TF: variants seen among roughly 807,000 people sequenced by gnomAD.
TF encodes serotransferrin.
TF carries 55 observed loss-of-function variants against 82.4 expected under a neutral mutation model. The observed-to-expected ratio is 0.67, with a 90% confidence interval of 0.54 to 0.84. The LOEUF is 0.84. TF is among the 40% of genes least tolerant of loss of function. TF has a pLI of 0.00. For synonymous variants in TF, 332 were observed against 332.6 expected, an observed-to-expected ratio of 1.00 and a Z score of 0.02; for missense variants, 737 against 868.4, an observed-to-expected ratio of 0.85 and a Z score of 1.90.
Position 133,789,862 on chromosome 3 carries a change from A to C in TF, c.*11242A>C, listed in dbSNP as rs1266977385. On this transcript the variant is annotated 3_prime_UTR_variant, in exon 17 of 17. Transcript: ENST00000402696. Reference sequence around the variant, plus strand: ...ATAAAACTATAAACCCAGCCAAAACAAAACGATCTCGTTTGCGTTTTTTTT... The same window carrying C: ...ATAAAACTATAAACCCAGCCAAAACCAAACGATCTCGTTTGCGTTTTTTTT... 1.3e-5 allele frequency: 2 copies of C among 148,844 alleles called. No individual in the cohort carries two copies. The highest frequency in any genetic ancestry group is 3.0e-5 in the Non-Finnish European group (2 of 67,568). 9.2% of individuals were successfully genotyped at this position (148,844 alleles called of 1,614,324 possible).
intron 7 of TF, 37 bp from the exon 8 acceptor site, chr3:133,757,732 T>A (rs1933875136): frequency 6.3e-7 from 1 of 1,583,996 alleles, no homozygotes; most frequent in African/African-American, 1.3e-5. Flanking sequence ...TCCTTTCTTC[T>A]GTGTTGCCAT....
chr3:133,681,116 G>T, the TF span, among the ~76,000 whole-genome samples: 1 of 152,162 alleles, frequency 6.6e-6, no homozygotes, highest in Non-Finnish European at 1.5e-5. Context: ...ACTAATTATT[G>T]CAGCTTCCAA....
At chr3:133,707,851 C>A in the TF span, among the ~76,000 whole-genome samples, 3 of 152,236 alleles carry the variant, frequency 2.0e-5, no homozygotes, top group African/African-American at 7.2e-5. Context: ...TCATTAGAAT[C>A]AGGAGCAAGG....
chr3:133,726,652 T>A, the TF span, among the ~76,000 whole-genome samples: 1 of 151,588 alleles, frequency 6.6e-6, no homozygotes, highest in African/African-American at 2.4e-5. Flanking sequence ...TGTGTCTCTA[T>A]TTCCTTCAGT....
the TF span, chr3:133,701,198 T>C: frequency 2.1e-4 from 32 of 152,344 alleles, 1 homozygote; most frequent in Admixed American, 2.0e-3. Flanking sequence ...TGCATTGGGT[T>C]AATGAGGGGG....
At chr3:133,765,291 A>G (rs1263968921) in intron 11 of TF, among the ~76,000 whole-genome samples, 2 of 152,200 alleles carry the variant, frequency 1.3e-5, no homozygotes, top group Non-Finnish European at 2.9e-5. Context: ...GCACCAACCA[A>G]GGAACTTTGC....
the TF span, among the ~76,000 whole-genome samples, chr3:133,710,332 G>T: frequency 6.6e-6 from 1 of 152,206 alleles, no homozygotes; most frequent in Non-Finnish European, 1.5e-5. Flanking sequence ...GCTGAACGTG[G>T]CTGGAGAGCG....
intron 6 of TF, 44 bp downstream of exon 6, chr3:133,756,381 G>A (rs777465270): frequency 3.8e-6 from 6 of 1,594,318 alleles, no homozygotes; most frequent in Admixed American, 1.7e-5. Context: ...CCAAGTAGTG[G>A]GTGTTCTTTT....
upstream of TF, chr3:133,746,227 G>A: frequency 3.2e-6 from 2 of 626,234 alleles, no homozygotes; most frequent in Non-Finnish European, 5.8e-6. Flanking sequence ...CTCGCGGGTC[G>A]TCTCCAGAGC....
At chr3:133,712,816 G>C in the TF span, 2 of 152,646 alleles carry the variant, frequency 1.3e-5, no homozygotes, top group African/African-American at 4.8e-5. Flanking sequence ...AGTAATGTCT[G>C]TGCACCACCT....
upstream of TF, chr3:133,746,347 C>A: frequency 6.9e-7 from 1 of 1,455,142 alleles, no homozygotes; most frequent in Non-Finnish European, 9.4e-7. Flanking sequence ...GCCCAGCCCG[C>A]CCAGGCCGGG....
At chr3:133,691,280 T>G in the TF span, among the ~76,000 whole-genome samples, 1 of 152,066 alleles carries the variant, frequency 6.6e-6, no homozygotes, top group Non-Finnish European at 1.5e-5. Context: ...CATTTGAGAG[T>G]GCCAAACCTG....
At chr3:133,757,447 C>T (rs1010012657) in intron 7 of TF, among the ~76,000 whole-genome samples, 7 of 152,202 alleles carry the variant, frequency 4.6e-5, no homozygotes, top group Admixed American at 1.3e-4. Flanking sequence ...TTCCTCTTGC[C>T]GAGCCGTCCC....
At chr3:133,722,415 G>A in the TF span, among the ~76,000 whole-genome samples, 15 of 151,962 alleles carry the variant, frequency 9.9e-5, no homozygotes, top group African/African-American at 3.6e-4. Context: ...TTCAAAGGCT[G>A]TTACTGATAG....
chr3:133,738,214 C>T, the TF span, among the ~76,000 whole-genome samples: 1 of 152,198 alleles, frequency 6.6e-6, no homozygotes, highest in African/African-American at 2.4e-5. Context: ...ACAAAAACCA[C>T]ATGATTATCT....
chr3:133,671,132 A>G, the TF span, among the ~76,000 whole-genome samples: 1 of 152,270 alleles, frequency 6.6e-6, no homozygotes, highest in East Asian at 1.9e-4. Context: ...TCCTGTTACT[A>G]CTGTAACAAA....
At chr3:133,732,793 G>A in the TF span, among the ~76,000 whole-genome samples, 1 of 150,950 alleles carries the variant, frequency 6.6e-6, no homozygotes, top group South Asian at 2.1e-4. Context: ...CTTGAACTCA[G>A]CGAGACCAAT....
chr3:133,728,300 G>T, the TF span, among the ~76,000 whole-genome samples: 1 of 152,184 alleles, frequency 6.6e-6, no homozygotes, highest in Admixed American at 6.5e-5. Flanking sequence ...CCAATCAGAT[G>T]CAGATTTGGT....
intron 2 of TF, among the ~76,000 whole-genome samples, chr3:133,751,943 G>A (rs1352976453): frequency 6.6e-6 from 1 of 152,108 alleles, no homozygotes; most frequent in African/African-American, 2.4e-5. Flanking sequence ...ACAGTGAGCC[G>A]AGATTGAGCC....
Sources: allele counts gnomAD v4.1 joint callset (sites outside exome capture counted in the v4.1 genomes callset), GRCh38; gene constraint gnomAD v4.1.1; transcripts MANE v1.5; gene names NCBI Gene and HGNC (gene_info 2026-07-23, HGNC 2026-07-21).